SLC24A2: variants seen among roughly 807,000 people sequenced by gnomAD.
The protein encoded by SLC24A2 is solute carrier family 24 member 2.
In SLC24A2, 36 loss-of-function variants were observed where a neutral mutation model predicts 62.0. That is an observed-to-expected ratio of 0.58 (90% CI 0.44 to 0.77). The LOEUF is 0.77. Ranked by LOEUF, SLC24A2 falls within the 30% of genes least tolerant of loss-of-function variation. The pLI, the probability that SLC24A2 is intolerant of heterozygous loss-of-function variation, is 0.00. For synonymous variants in SLC24A2, 358 were observed against 294.0 expected, an observed-to-expected ratio of 1.22 and a Z score of -2.23; for missense variants, 846 against 817.9, an observed-to-expected ratio of 1.03 and a Z score of -0.42.
the SLC24A2 span, among the ~76,000 whole-genome samples, chr9:20,093,081 G>T: frequency 4.0e-5 from 6 of 150,412 alleles, no homozygotes; most frequent in Admixed American, 1.3e-4. Context: ...TCTGTTTTTT[G>T]TTTTTTTTAG....
At chr9:19,856,753 C>G in the SLC24A2 span, among the ~76,000 whole-genome samples, 301 of 152,250 alleles carry the variant, frequency 2.0e-3, 4 homozygotes, top group African/African-American at 5.9e-3. Flanking sequence ...GTTGGAGGGT[C>G]CCACCCAGTC....
At chr9:20,097,227 T>C in the SLC24A2 span, among the ~76,000 whole-genome samples, 3 of 152,144 alleles carry the variant, frequency 2.0e-5, no homozygotes, top group Admixed American at 2.0e-4. Context: ...GTAGATATAA[T>C]AGGATGATTG....
chr9:19,895,229 GTTT>G, the SLC24A2 span, among the ~76,000 whole-genome samples: 16 of 139,652 alleles, frequency 1.1e-4, no homozygotes, highest in Admixed American at 2.9e-4. Flanking sequence ...GGTTTATTTT[GTTT>G]TTTTTTTTTT....
the SLC24A2 span, among the ~76,000 whole-genome samples, chr9:19,872,341 C>T: frequency 3.4e-3 from 517 of 152,282 alleles, 5 homozygotes; most frequent in Non-Finnish European, 4.0e-3. Flanking sequence ...ATGCCTAATT[C>T]CTCACTTCAA....
chr9:19,956,845 T>G, the SLC24A2 span, among the ~76,000 whole-genome samples: 1 of 152,172 alleles, frequency 6.6e-6, no homozygotes, highest in African/African-American at 2.4e-5. Context: ...ATGAATGGGA[T>G]TGGTGCCCTT....
chr9:19,690,109 T>G (rs1427601684), intron 2 of SLC24A2, among the ~76,000 whole-genome samples: 2 of 152,082 alleles, frequency 1.3e-5, no homozygotes, highest in African/African-American at 2.4e-5. Flanking sequence ...ACTCCATAAT[T>G]GTGTGAGCAA....
chr9:19,699,698 G>A (rs897894175), intron 2 of SLC24A2, among the ~76,000 whole-genome samples: 3 of 152,020 alleles, frequency 2.0e-5, no homozygotes, highest in Admixed American at 1.3e-4. Context: ...ATTAATACTT[G>A]TGATTATTTC....
chr9:20,161,960 T>C, the SLC24A2 span, among the ~76,000 whole-genome samples: 107 of 151,862 alleles, frequency 7.0e-4, no homozygotes, highest in African/African-American at 2.4e-3. Context: ...AATAATTAGA[T>C]GCATAAGAAT....
At chr9:20,274,726 GC>G in the SLC24A2 span, among the ~76,000 whole-genome samples, 2 of 152,126 alleles carry the variant, frequency 1.3e-5, no homozygotes, top group Non-Finnish European at 2.9e-5. Context: ...GACAGAAGAA[GC>G]TTTGTCCCTC....
At chr9:19,787,407 G>C (rs574388671) in intron 1 of SLC24A2, among the ~76,000 whole-genome samples, 2 of 152,188 alleles carry the variant, frequency 1.3e-5, no homozygotes, top group East Asian at 1.9e-4. Context: ...TGCTATAAAG[G>C]TACCTAGACT....
the SLC24A2 span, among the ~76,000 whole-genome samples, chr9:20,168,608 A>G: frequency 2.0e-5 from 3 of 152,148 alleles, no homozygotes; most frequent in Non-Finnish European, 1.5e-5. Context: ...AAGATGCTTC[A>G]TATCATTCGT....
the SLC24A2 span, among the ~76,000 whole-genome samples, chr9:19,871,749 T>C: frequency 1.3e-5 from 2 of 152,222 alleles, no homozygotes; most frequent in South Asian, 2.1e-4. Context: ...TGTGTTTTCA[T>C]AGAATGTTTT....
chr9:20,176,909 T>TGAGGTGGGTGGG, the SLC24A2 span, among the ~76,000 whole-genome samples: 109,354 of 151,430 alleles, frequency 0.72, 40,795 homozygotes, highest in African/African-American at 0.85. Flanking sequence ...ATCTAAAGTG[T>TGAGGTGGGTGGG]GAGGATGGAG....
At chr9:19,803,443 A>G in the SLC24A2 span, among the ~76,000 whole-genome samples, 30 of 152,274 alleles carry the variant, frequency 2.0e-4, 1 homozygote, top group South Asian at 4.8e-3. Context: ...TTTCAATGAA[A>G]TATATTGACA....
chr9:20,290,002 C>T, the SLC24A2 span, among the ~76,000 whole-genome samples: 1 of 152,188 alleles, frequency 6.6e-6, no homozygotes, highest in South Asian at 2.1e-4. Flanking sequence ...GATGCGCACT[C>T]CTTAAGGACT....
At chr9:20,214,135 G>C in the SLC24A2 span, among the ~76,000 whole-genome samples, 6 of 152,200 alleles carry the variant, frequency 3.9e-5, no homozygotes, top group East Asian at 1.2e-3. Flanking sequence ...TCCACACCTT[G>C]ACTACTATGA....
rs925190907 is a variant in SLC24A2, at chr9:19,509,802, T to C, written c.*6351A>G. 1 of 152,166 alleles carries C rather than the reference T, an allele frequency of 6.6e-6. No individual in the cohort carries two copies. The highest frequency in any genetic ancestry group is 1.9e-4 in the East Asian group (1 of 5,194). 9.4% of individuals were successfully genotyped at this position (152,166 alleles called of 1,614,324 possible). ...GGAGAACTGTTAGTCTCCAAGGCCT[T>C]AGTTACTTATGGATCCATTATGAAG... On this transcript the variant is annotated 3_prime_UTR_variant, in exon 11 of 11. Transcript: ENST00000341998.
chr9:19,702,995 A>T (rs1303730205), intron 2 of SLC24A2, among the ~76,000 whole-genome samples: 1 of 152,198 alleles, frequency 6.6e-6, no homozygotes, highest in Non-Finnish European at 1.5e-5. Flanking sequence ...TGCAATGAAA[A>T]CAAAACAATA....
the SLC24A2 span, among the ~76,000 whole-genome samples, chr9:20,060,260 C>T: frequency 6.6e-6 from 1 of 151,978 alleles, no homozygotes; most frequent in Non-Finnish European, 1.5e-5. Context: ...TTTTCAAACT[C>T]TCCCAAAAAA....
Sources: gnomAD v4.1 joint callset for allele counts (sites outside exome capture counted in the v4.1 genomes callset) on GRCh38, gnomAD v4.1.1 for gene constraint, MANE v1.5 for transcripts, NCBI Gene and HGNC (gene_info 2026-07-23, HGNC 2026-07-21) for gene names.